The following RIF1 variants were observed in gnomAD, a reference collection of about 807,000 sequenced individuals.
The protein encoded by RIF1 is replication timing regulatory factor 1.
A neutral mutation model predicts 247.1 loss-of-function variants in RIF1; 45 were observed. The ratio of observed to expected loss-of-function variants is 0.18; its 90% CI spans 0.14 to 0.23. RIF1 has a LOEUF of 0.23. Ranked by LOEUF, RIF1 falls within the 10% of genes least tolerant of loss-of-function variation. The probability of loss-of-function intolerance (pLI) is 1.00; values close to 1 mark genes in which losing one functional copy is unlikely to be tolerated. For missense variants in RIF1, 2,967 were observed against 2,862.5 expected, an observed-to-expected ratio of 1.04 and a Z score of -0.83; for synonymous variants, 1,087 against 978.8, an observed-to-expected ratio of 1.11 and a Z score of -2.06.
At chr2:151,462,202 CA>C (rs1696295270) in intron 27 of RIF1, 39 bp from the exon 28 acceptor site, 2 of 679,242 alleles carry the variant, frequency 2.9e-6, no homozygotes, top group Admixed American at 4.9e-5. Flanking sequence ...GTAAGAATAT[CA>C]TCCGGTTTTT....
At chr2:151,412,637 C>T (rs1686454845) in intron 3 of RIF1, among the ~76,000 whole-genome samples, 1 of 151,964 alleles carries the variant, frequency 6.6e-6, no homozygotes, top group African/African-American at 2.4e-5. Flanking sequence ...ACAGGCATGC[C>T]CCCACCACAC....
chr2:151,461,385 G>A (rs1404221367), intron 27 of RIF1, 96 bp downstream of exon 27: 13 of 1,097,940 alleles, frequency 1.2e-5, no homozygotes, highest in East Asian at 2.6e-5. Context: ...TAAAATATGT[G>A]TACTAATTTT....
exon 10 of RIF1, chr2:151,495,248 G>A (rs1394305759): frequency 6.6e-6 from 1 of 152,200 alleles, no homozygotes; most frequent in Non-Finnish European, 1.5e-5. Flanking sequence ...TGGAAACGTG[G>A]GAGATTTAGG....
rs922619160 is a variant in RIF1, at chr2:151,502,850, T to C, written c.*710-184T>C. Reference sequence around the variant, plus strand: ...TCTCCATCTCTGGAGTGATAGGTGTTGGGATTCCTTTCCCCAAATTTTCTT... The same window carrying C: ...TCTCCATCTCTGGAGTGATAGGTGTCGGGATTCCTTTCCCCAAATTTTCTT... On this transcript the variant is annotated intron_variant and NMD_transcript_variant, in intron 11 of 13. Transcript: ENST00000454583. The C allele has an allele frequency of 1.2e-6, 2 of 1,607,304 alleles. No homozygotes were observed. Among genetic ancestry groups the C allele is most frequent in the Non-Finnish European group, 1.7e-6 (2 of 1,176,952 alleles).
chr2:151,465,172 A>C lies in RIF1; in HGVS notation c.5652A>C (p.Pro1884=). Residue 1884 remains proline (P), a synonymous_variant, in exon 30 of 36, where the codon CCA becomes CCC. Transcript: ENST00000444746. ...CTTTGGAGACAAAAGAAGAAAAACC[A>C]GAAGAAACCCCAAAAATGGAACTGA... The part of the protein sequence containing the change: ...QESLETKEEK[P]EETPKMELSL... The C allele has an allele frequency of 1.2e-6, 2 of 1,613,724 alleles. No homozygotes were observed. The highest frequency in any genetic ancestry group is 1.7e-6 in the Non-Finnish European group (2 of 1,179,936).
intron 8 of RIF1, 113 bp downstream of exon 8, chr2:151,423,155 A>G (rs1223717309): frequency 3.1e-6 from 2 of 636,612 alleles, no homozygotes; most frequent in Middle Eastern, 2.5e-4. Context: ...GCTGATGCTC[A>G]TTATTTCATG....
At chr2:151,489,652 G>A (rs554648466) in intron 9 of RIF1, among the ~76,000 whole-genome samples, 4 of 152,084 alleles carry the variant, frequency 2.6e-5, no homozygotes, top group South Asian at 2.1e-4. Flanking sequence ...CTGCATCAGC[G>A]TCCCAAAGTG....
intron 34 of RIF1, among the ~76,000 whole-genome samples, chr2:151,473,260 T>G (rs548037259): frequency 1.9e-4 from 28 of 151,278 alleles, no homozygotes; most frequent in Non-Finnish European, 3.1e-4. Flanking sequence ...CAGTGGTCCA[T>G]ACGTCCTAGG....
rs763870394 is a variant in RIF1 at position 151,496,267 on chromosome 2, G to T, written c.*513+941G>T. The T allele has an allele frequency of 5.6e-6, 9 of 1,593,664 alleles. No individual in the cohort carries two copies. The highest frequency in any genetic ancestry group is 6.9e-6 in the Non-Finnish European group (8 of 1,165,704). Reference sequence around the variant, plus strand: ...CAGTAAGTAGTTTTTTTCTTTTCTCGCCAAGTACCGAGCTAATATTTTCTT... The same window carrying T: ...CAGTAAGTAGTTTTTTTCTTTTCTCTCCAAGTACCGAGCTAATATTTTCTT... On this transcript the variant is annotated intron_variant and NMD_transcript_variant, in intron 10 of 13. Transcript: ENST00000454583.
chr2:151,461,338 A>G (rs1696120897), intron 27 of RIF1, 49 bp downstream of exon 27: 1 of 1,545,430 alleles, frequency 6.5e-7, no homozygotes, highest in Non-Finnish European at 8.8e-7. Context: ...TCAGGCTTAG[A>G]TTTCATGCAA....
chr2:151,458,355 C>T (rs919034505), intron 24 of RIF1, among the ~76,000 whole-genome samples: 29 of 150,976 alleles, frequency 1.9e-4, no homozygotes, highest in African/African-American at 7.1e-4. Context: ...GCCTCAGCCT[C>T]CTGAGTAGCT....
chr2:151,456,049 C>G (rs1225217648), intron 22 of RIF1, among the ~76,000 whole-genome samples: 2 of 151,958 alleles, frequency 1.3e-5, no homozygotes, highest in Non-Finnish European at 2.9e-5. Flanking sequence ...TTTGCATCAC[C>G]CTTTATTTGA....
In RIF1 at chr2:151,463,108, T is replaced by C. The variant is rs1696441655; in HGVS notation, c.3588T>C (p.Val1196=). 1 of 1,613,950 alleles carries C rather than the reference T, an allele frequency of 6.2e-7. No individual in the cohort carries two copies. The highest frequency in any genetic ancestry group is 8.5e-7 in the Non-Finnish European group (1 of 1,179,946). The change falls in exon 30 of 36, where the codon GTT becomes GTC. Residue 1196 remains valine (V), a synonymous_variant. Coordinates refer to ENST00000444746, the MANE Select transcript of RIF1 (RefSeq NM_018151.5). ...ECASSTENSF[V]VSSSSVSNTT... Reference sequence around the variant, plus strand: ...CATCTAGTACAGAAAATTCTTTCGTTGTCAGCAGTAGTTCAGTTTCTAATA... The same window carrying C: ...CATCTAGTACAGAAAATTCTTTCGTCGTCAGCAGTAGTTCAGTTTCTAATA...
At chr2:151,451,768 A>C (rs897630227) in intron 21 of RIF1, 63 bp downstream of exon 21, 5 of 856,436 alleles carry the variant, frequency 5.8e-6, no homozygotes, top group Non-Finnish European at 9.8e-6. Flanking sequence ...GAACTTTGCC[A>C]GGGGAAGTCC....
intron 20 of RIF1, among the ~76,000 whole-genome samples, chr2:151,449,602 A>G (rs1035614130): frequency 1.1e-4 from 17 of 152,146 alleles, no homozygotes; most frequent in African/African-American, 4.1e-4. Context: ...CGTGATGCCA[A>G]GCCCACCAAC....
intron 20 of RIF1, among the ~76,000 whole-genome samples, chr2:151,446,945 C>CTTTTTTT (rs71403169): frequency 1.5e-5 from 2 of 137,656 alleles, no homozygotes; most frequent in Non-Finnish European, 1.5e-5. Flanking sequence ...TTTTCTCTTT[C>CTTTTTTT]TTTTTTTTTT....
At chr2:151,432,176 C>G (rs1690282112) in intron 9 of RIF1, among the ~76,000 whole-genome samples, 1 of 151,966 alleles carries the variant, frequency 6.6e-6, no homozygotes, top group South Asian at 2.1e-4. Flanking sequence ...CCTAGCTAAC[C>G]TTTTTGTAGT....
chr2:151,493,764 T>G lies in RIF1; in HGVS notation c.*416-1465T>G. ...AAGATTTTAAGGATTTATTTTTCCT[T>G]TCTAAAATACCGAGCTAAAGTTTTC... On this transcript the variant is annotated intron_variant and NMD_transcript_variant, in intron 9 of 13. Coordinates refer to the RIF1 transcript ENST00000454583. 2 of 1,525,820 alleles carry G rather than the reference T, an allele frequency of 1.3e-6. No homozygotes were observed. The highest frequency in any genetic ancestry group is 1.8e-6 in the Non-Finnish European group (2 of 1,118,642). 94.5% of individuals were successfully genotyped at this position (1,525,820 alleles called of 1,614,324 possible).
downstream of RIF1, chr2:151,482,263 T>G (rs1185113368): frequency 2.6e-5 from 4 of 152,234 alleles, no homozygotes; most frequent in Non-Finnish European, 5.9e-5. Flanking sequence ...TTAATTCAAA[T>G]ACCACAAAGT....
Sources: gnomAD v4.1 joint callset for allele counts (sites outside exome capture counted in the v4.1 genomes callset) on GRCh38, gnomAD v4.1.1 for gene constraint, MANE v1.5 for transcripts, NCBI Gene and HGNC (gene_info 2026-07-23, HGNC 2026-07-21) for gene names.